The following NBPF6 variants were observed in gnomAD, a reference collection of about 807,000 sequenced individuals.
NBPF6 encodes NBPF member 6.
NBPF6 carries 2 observed loss-of-function variants against 20.8 expected under a neutral mutation model. The ratio of observed to expected loss-of-function variants is 0.10; its 90% confidence interval spans 0.04 to 0.30. The LOEUF (loss-of-function observed/expected upper bound fraction) is 0.30. NBPF6 is among the 10% of genes least tolerant of loss of function. NBPF6 has a pLI of 1.00. For synonymous variants in NBPF6, 24 were observed against 100.0 expected (o/e 0.24, Z 4.53); for missense variants, 85 against 260.3 (o/e 0.33, Z 4.63).
At chr1:108,436,608 A>G in the NBPF6 span, among the ~76,000 whole-genome samples, 6 of 57,922 alleles carry the variant, frequency 1.0e-4, no homozygotes, top group African/African-American at 2.2e-4. Context: ...AAAAAAAAAA[A>G]AAAAAGAAAA....
At chr1:108,448,329 T>C (rs536628403), upstream of NBPF6, among the ~76,000 whole-genome samples, 5 of 148,010 alleles carry the variant, frequency 3.4e-5, no homozygotes, top group Admixed American at 1.3e-4. Flanking sequence ...AAAGTCTTAA[T>C]GAGAATCATT....
chr1:108,459,367 T>A (rs1653027565), intron 9 of NBPF6, among the ~76,000 whole-genome samples: 1 of 138,812 alleles, frequency 7.2e-6, no homozygotes, highest in Non-Finnish European at 1.6e-5. Context: ...AAAGTAAGTA[T>A]ACTCTTCTTA....
intron 14 of NBPF6, among the ~76,000 whole-genome samples, chr1:108,467,894 G>T (rs2101059174): frequency 6.6e-6 from 1 of 150,378 alleles, no homozygotes; most frequent in East Asian, 1.9e-4. Flanking sequence ...CTACTGTCTT[G>T]AGAGTCCCTC....
In NBPF6 at chr1:108,452,783, G is replaced by A. The variant is rs374053280; in HGVS notation, c.279-398G>A. Among the ~76,000 whole-genome samples the A allele has an allele frequency of 7.9e-5, 6 of 75,994 alleles. No individual in the cohort carries two copies. In the East Asian group the frequency reaches 1.1e-3, roughly 14 times the overall value. The allele number at this position is 75,994 out of a possible 152,430, so 49.9% of individuals were successfully genotyped here. On this transcript the variant is annotated intron_variant, in intron 3 of 14. Coordinates refer to ENST00000495380, the MANE Select transcript of NBPF6 (RefSeq NM_001143988.2). The stretch of plus-strand genomic sequence containing the variant: ...TTTGTATCTAGTCACTGCAAGATGC[G>A]CTATGTGAATTTTCACATAGAGATG...
chr1:108,471,019 GT>G lies in NBPF6; in HGVS notation c.*384del, dbSNP rs1425724094. On this transcript the variant is annotated 3_prime_UTR_variant, in exon 15 of 15. Coordinates refer to ENST00000495380, the MANE Select transcript of NBPF6 (RefSeq NM_001143988.2). Reference sequence around the variant, plus strand: ...TTCTTGCTGAAAACGTTTAGCCTGAGTTTCATAGGAGGTAACCCTCAGATAA... The same window carrying G: ...TTCTTGCTGAAAACGTTTAGCCTGAGTTCATAGGAGGTAACCCTCAGATAA... 5.7e-6 allele frequency: 1 copy of G among 174,840 alleles called. No homozygotes were observed. The highest frequency in any genetic ancestry group is 2.4e-5 in the African/African-American group (1 of 42,086). The allele number at this position is 174,840 out of a possible 1,614,324, so 10.8% of individuals were successfully genotyped here. A position where few individuals can be genotyped will look rare whatever the true frequency, so the allele number is the denominator to read the frequency against.
upstream of NBPF6, among the ~76,000 whole-genome samples, chr1:108,449,416 CTATATATA>C (rs1165819915): frequency 4.0e-3 from 35 of 8,818 alleles, 3 homozygotes; most frequent in Admixed American, 6.6e-3. Flanking sequence ...GTTAGAACAA[CTATATATA>C]TATATATATA....
At chr1:108,469,944 A>G (rs1653366811) in intron 14 of NBPF6, among the ~76,000 whole-genome samples, 4 of 124,078 alleles carry the variant, frequency 3.2e-5, no homozygotes. Flanking sequence ...TGAGACCTCC[A>G]GATTGGAGCC....
intron 14 of NBPF6, among the ~76,000 whole-genome samples, chr1:108,469,303 A>T (rs1171396484): frequency 6.6e-6 from 1 of 151,116 alleles, no homozygotes; most frequent in Admixed American, 6.6e-5. Context: ...CTTCCAGTTT[A>T]CATTTCCCCA....
rs551696047 is a variant in NBPF6 at position 108,471,374 on chromosome 1, T to G, written c.*736T>G. ...GCCAGGAACTCTGCAGAGTCCATGC[T>G]GTGAGCTTCCTACCTCAGCCCATCT... On this transcript the variant is annotated 3_prime_UTR_variant, in exon 15 of 15. Transcript: ENST00000495380. Among the ~76,000 whole-genome samples, 11 of 152,318 alleles carry G rather than the reference T, an allele frequency of 7.2e-5. No homozygotes were observed. The highest frequency in any genetic ancestry group is 5.2e-4 in the Admixed American group (8 of 15,296).
intron 3 of NBPF6, among the ~76,000 whole-genome samples, chr1:108,452,865 C>T (rs142923881): frequency 0.06 from 4,351 of 72,368 alleles, 1,430 homozygotes; most frequent in African/African-American, 0.15. Flanking sequence ...TTTAGGAAGA[C>T]GCTAACTTTT....
intron 14 of NBPF6, among the ~76,000 whole-genome samples, chr1:108,470,161 C>T (rs1284688453): frequency 1.1e-5 from 1 of 87,674 alleles, no homozygotes; most frequent in Non-Finnish European, 2.2e-5. Context: ...ATGGCCCTCC[C>T]GCTCCTCCCT....
chr1:108,470,451 T>C, intron 14 of NBPF6, 146 bp from the exon 15 acceptor site: 1 of 686,312 alleles, frequency 1.5e-6, no homozygotes, highest in South Asian at 2.1e-5. Flanking sequence ...TTCCCCCTTC[T>C]GACAGCCCAG....
upstream of NBPF6, among the ~76,000 whole-genome samples, chr1:108,448,284 C>T (rs1255616347): frequency 6.9e-6 from 1 of 145,904 alleles, no homozygotes; most frequent in Non-Finnish European, 1.5e-5. Flanking sequence ...AGAGACCTGA[C>T]ATTCTGTGTC....
chr1:108,470,919 A>C lies in NBPF6; in HGVS notation c.*281A>C, dbSNP rs1653431802. ...TCTCAATTCCCATCATGTAGAGAAC[A>C]GGAGTCCGCAGCTGCTGGCAGGAGA... On this transcript the variant is annotated 3_prime_UTR_variant, in exon 15 of 15. Coordinates refer to ENST00000495380, the MANE Select transcript of NBPF6 (RefSeq NM_001143988.2). 6.7e-6 allele frequency: 2 copies of C among 298,836 alleles called. No individual in the cohort carries two copies. Among genetic ancestry groups the C allele is most frequent in the Admixed American group, 5.1e-5 (1 of 19,544 alleles). The allele number at this position is 298,836 out of a possible 1,614,324, so 18.5% of individuals were successfully genotyped here. A position where few individuals can be genotyped will look rare whatever the true frequency, so the allele number is the denominator to read the frequency against.
At position 108,470,725 on chromosome 1, in the gene NBPF6, G is replaced by A; in HGVS notation, c.*87G>A. The stretch of plus-strand genomic sequence containing the variant: ...TTAAGTCCAAACACAATACTGCAGG[G>A]GTCCTTCACTGAGGATTGAATTTCA... On this transcript the variant is annotated 3_prime_UTR_variant, in exon 15 of 15. Transcript: ENST00000495380. 1 of 953,216 alleles carries A rather than the reference G, an allele frequency of 1.0e-6. No homozygotes were observed. Among genetic ancestry groups the A allele is most frequent in the African/African-American group, 1.7e-5 (1 of 59,376 alleles). 59.0% of individuals were successfully genotyped at this position (953,216 alleles called of 1,614,324 possible). A position where few individuals can be genotyped will look rare whatever the true frequency, so the allele number is the denominator to read the frequency against.
At chr1:108,469,412 A>G (rs1179061943) in intron 14 of NBPF6, among the ~76,000 whole-genome samples, 2 of 150,350 alleles carry the variant, frequency 1.3e-5, no homozygotes, top group South Asian at 4.2e-4. Flanking sequence ...AAGAGAACTC[A>G]TTGGTCCCCC....
rs1420296864 is a variant in NBPF6 at position 108,470,671 on chromosome 1, A to T, written c.*33A>T. 1.3e-6 allele frequency: 2 copies of T among 1,543,212 alleles called. No homozygotes were observed. The highest frequency in any genetic ancestry group is 1.8e-6 in the Non-Finnish European group (2 of 1,141,666). ...TCACAAAAAGCAGCTTTTCCACTTG[A>T]TAAAAACAACTAAAACAGCAAAGCA... On this transcript the variant is annotated 3_prime_UTR_variant, in exon 15 of 15. Transcript: ENST00000495380.
the NBPF6 span, among the ~76,000 whole-genome samples, chr1:108,434,772 T>A: frequency 4.5e-5 from 4 of 88,378 alleles, no homozygotes; most frequent in Non-Finnish European, 2.8e-5. Flanking sequence ...ATCACAAGCT[T>A]GAGCCATCAC....
At chr1:108,436,486 C>G in the NBPF6 span, among the ~76,000 whole-genome samples, 2 of 88,984 alleles carry the variant, frequency 2.2e-5, no homozygotes, top group African/African-American at 7.1e-5. Flanking sequence ...GTGATGCACT[C>G]CTGTAATTCC....
Sources: allele counts gnomAD v4.1 joint callset (sites outside exome capture counted in the v4.1 genomes callset), GRCh38; gene constraint gnomAD v4.1.1; transcripts MANE v1.5; gene names NCBI Gene and HGNC (gene_info 2026-07-23, HGNC 2026-07-21).